The following COQ10A variants were observed in gnomAD, a reference collection of about 807,000 sequenced individuals.
COQ10A encodes the protein coenzyme Q10A, also known as coenzyme Q-binding protein COQ10 homolog A, mitochondrial.
Under a neutral mutation model 26.1 loss-of-function variants are expected in COQ10A, and 25 were observed. The observed-to-expected ratio is 0.96, with a 90% CI of 0.70 to 1.34. The LOEUF (loss-of-function observed/expected upper bound fraction) is 1.34, where lower values mean the gene tolerates loss of function less well. COQ10A is among the 40% of genes most tolerant of loss of function. COQ10A has a pLI of 0.00. For missense variants in COQ10A, 312 were observed against 335.4 expected, an observed-to-expected ratio of 0.93 and a Z score of 0.54; for synonymous variants, 132 against 124.0, an observed-to-expected ratio of 1.06 and a Z score of -0.43.
chr12:56,267,689 G>C, intron 1 of COQ10A, 105 bp from the exon 2 acceptor site: 1 of 1,513,470 alleles, frequency 6.6e-7, no homozygotes, highest in Non-Finnish European at 9.2e-7. Flanking sequence ...GGGAAAGCTT[G>C]TTTGGACGAC....
intron 4 of COQ10A, chr12:56,269,838 G>T (rs931276561): frequency 9.7e-6 from 5 of 516,798 alleles, no homozygotes; most frequent in Admixed American, 3.3e-5. Flanking sequence ...TTTTGGCTAG[G>T]CTGCTCTCAA....
intron 2 of COQ10A, chr12:56,268,180 A>G (rs1200174378): frequency 1.8e-6 from 1 of 547,636 alleles, no homozygotes; most frequent in Non-Finnish European, 3.2e-6. Flanking sequence ...CTTTAAGACA[A>G]CAGGGCGTAG....
chr12:56,269,109 G>GT lies in COQ10A; in HGVS notation c.333dup (p.Glu112Ter), dbSNP rs760865552. On this transcript the variant is annotated frameshift_variant, in exon 3 of 5. Coordinates refer to ENST00000308197, the MANE Select transcript of COQ10A (RefSeq NM_144576.4). LOFTEE classifies it high-confidence loss of function. ...GTGGTGTCCAACGTCCAGGAGTATC[G>GT]TGAGTTTGTGCCCTGGTGTAAGAAG... 1.2e-5 allele frequency: 20 copies of GT among 1,613,958 alleles called. No individual in the cohort carries two copies. The highest frequency in any genetic ancestry group is 2.7e-5 in the African/African-American group (2 of 74,886).
chr12:56,268,006 G>C (rs2135904217), intron 2 of COQ10A, 66 bp downstream of exon 2: 2 of 1,582,838 alleles, frequency 1.3e-6, no homozygotes, highest in East Asian at 2.2e-5. Context: ...GTCCAGGCAA[G>C]AATGTCAGGG....
At chr12:56,267,593 C>G in intron 1 of COQ10A, 1 of 1,147,352 alleles carries the variant, frequency 8.7e-7, no homozygotes, top group South Asian at 1.3e-5. Context: ...CACCCCGCCC[C>G]CAGCCCTGTC....
chr12:56,267,129 C>T lies in COQ10A; in HGVS notation c.11C>T (p.Ala4Val). The T allele has an allele frequency of 7.7e-7, 1 of 1,299,156 alleles. No homozygotes were observed. Among genetic ancestry groups the T allele is most frequent in the Non-Finnish European group, 9.7e-7 (1 of 1,029,090 alleles). 80.5% of individuals were successfully genotyped at this position (1,299,156 alleles called of 1,614,324 possible). A position where few individuals can be genotyped will look rare whatever the true frequency, so the allele number is the denominator to read the frequency against. MAW[A>V]GSRRVPAGTR... Reference sequence around the variant, plus strand: ...GGCAGGGTCGCGCGCATGGCCTGGGCGGGCTCGCGGCGGGTCCCAGCTGGG... The same window carrying T: ...GGCAGGGTCGCGCGCATGGCCTGGGTGGGCTCGCGGCGGGTCCCAGCTGGG... Residue 4 changes from alanine to valine, a missense_variant, in exon 1 of 5, where the codon GCG (alanine) becomes GTG (valine). Ala to Val is a moderately conservative substitution (Grantham distance 64). Transcript: ENST00000308197.
rs765836324 is a variant in COQ10A at position 56,267,676 on chromosome 12, G to A, written c.135-118G>A. 6 of 1,410,720 alleles carry A rather than the reference G, an allele frequency of 4.3e-6. No homozygotes were observed. The South Asian group carries it at 4.6e-5, about 11-fold the overall frequency. 87.4% of individuals were successfully genotyped at this position (1,410,720 alleles called of 1,614,324 possible). On this transcript the variant is annotated intron_variant, in intron 1 of 4. Coordinates refer to ENST00000308197, the MANE Select transcript of COQ10A (RefSeq NM_144576.4). ...AGCCTAGCGGGCTGCAGCAGGTGCT[G>A]GGGGGAAAGCTTGTTTGGACGACCT...
At chr12:56,267,373 G>C in intron 1 of COQ10A, 121 bp downstream of exon 1, 2 of 1,613,950 alleles carry the variant, frequency 1.2e-6, no homozygotes, top group Non-Finnish European at 1.7e-6. Flanking sequence ...CATGCCCTGG[G>C]AGCTAACGTA....
chr12:56,269,345 T>A (rs1592402685), intron 3 of COQ10A, 94 bp downstream of exon 3: 2 of 1,468,814 alleles, frequency 1.4e-6, no homozygotes, highest in African/African-American at 1.4e-5. Flanking sequence ...GTACTTTATG[T>A]CCATGTGTCA....
chr12:56,269,788 C>T (rs1182083992), intron 4 of COQ10A: 18 of 532,440 alleles, frequency 3.4e-5, no homozygotes, highest in Non-Finnish European at 4.4e-5. Context: ...CTACCAAGCC[C>T]GACTGATTTT....
Position 56,267,952 on chromosome 12 carries a change from CTGCCT to C in COQ10A, c.281+16_281+20del. The C allele has an allele frequency of 6.2e-7, 1 of 1,613,908 alleles. No individual in the cohort carries two copies. Among genetic ancestry groups the C allele is most frequent in the Non-Finnish European group, 8.5e-7 (1 of 1,179,902 alleles). On this transcript the variant is annotated intron_variant, in intron 2 of 4. Coordinates refer to ENST00000308197, the MANE Select transcript of COQ10A (RefSeq NM_144576.4). ...CGTAGAATCATGGGGTAAGCATTCTCTGCCTTGCATCCTTGCACCTCCCTTTTCCC... is the reference window on the plus strand; with the variant it reads ...CGTAGAATCATGGGGTAAGCATTCTCTGCATCCTTGCACCTCCCTTTTCCC...
At chr12:56,269,379 G>T (rs930147249) in intron 3 of COQ10A, 81 bp from the exon 4 acceptor site, 1 of 1,473,736 alleles carries the variant, frequency 6.8e-7, no homozygotes, top group Non-Finnish European at 9.5e-7. Flanking sequence ...TATCAGAAAA[G>T]AAGGAAAATG....
In COQ10A at chr12:56,267,465, G is replaced by A. The variant is rs771142224; in HGVS notation, c.134+213G>A. The A allele has an allele frequency of 1.2e-5, 20 of 1,613,598 alleles. No homozygotes were observed. In the South Asian group the frequency reaches 2.0e-4, roughly 16 times the overall value. ...GTCCAACCTCTTCTTGGCCCTCGCGGGCGCCCTGGGGTCCCCGGGGACAGT... is the reference window on the plus strand; with the variant it reads ...GTCCAACCTCTTCTTGGCCCTCGCGAGCGCCCTGGGGTCCCCGGGGACAGT... On this transcript the variant is annotated intron_variant, in intron 1 of 4. Coordinates refer to ENST00000308197, the MANE Select transcript of COQ10A (RefSeq NM_144576.4).
rs760619432 is a variant in COQ10A, at chr12:56,270,186, C to T, written c.613C>T (p.Leu205=). ...ATTTCGTTCTCTGCTGCACTCCCAG[C>T]TGGCCACCATGTTTTTTGATGAGGT... ...FEFRSLLHSQ[L]ATMFFDEVVK... is the part of the protein sequence containing the mutation. Residue 205 remains leucine (L), a synonymous_variant, in exon 5 of 5, where the codon CTG becomes TTG. Transcript: ENST00000308197. 1.2e-6 allele frequency: 2 copies of T among 1,614,168 alleles called. No homozygotes were observed. Among genetic ancestry groups the T allele is most frequent in the South Asian group, 1.1e-5 (1 of 91,080 alleles).
In COQ10A at chr12:56,270,354, C is replaced by G. The variant is rs1872481468; in HGVS notation, c.*37C>G. The G allele has an allele frequency of 6.3e-7, 1 of 1,581,136 alleles. No homozygotes were observed. Among genetic ancestry groups the G allele is most frequent in the Non-Finnish European group, 8.6e-7 (1 of 1,156,870 alleles). ...GCTCCCTGACCTCCCTTCTACCCCA[C>G]TTCCCTACACAATTCTCTTATTTAT... On this transcript the variant is annotated 3_prime_UTR_variant, in exon 5 of 5. Coordinates refer to ENST00000308197, the MANE Select transcript of COQ10A (RefSeq NM_144576.4).
Position 56,267,179 on chromosome 12 carries a change from T to G in COQ10A, c.61T>G (p.Cys21Gly), listed in dbSNP as rs1872371529. ...AGTRAAAERC[C>G]RLSLSPGAQP... ...GACGCGCGCGGCAGCCGAGCGCTGC[T>G]GCCGGCTCTCGCTCAGCCCGGGCGC... The change falls in exon 1 of 5, where the codon TGC (cysteine) becomes GGC (glycine). Residue 21 changes from cysteine (C) to glycine (G), a missense_variant. Transcript: ENST00000308197. The G allele has an allele frequency of 7.3e-6, 10 of 1,367,862 alleles. No homozygotes were observed. The highest frequency in any genetic ancestry group is 9.4e-6 in the Non-Finnish European group (10 of 1,066,346). 84.7% of individuals were successfully genotyped at this position (1,367,862 alleles called of 1,614,324 possible).
intron 2 of COQ10A, chr12:56,268,236 T>C: frequency 2.8e-6 from 1 of 361,206 alleles, no homozygotes; most frequent in Non-Finnish European, 5.1e-6. Flanking sequence ...TTTGGGAGGC[T>C]GAGGCGGGCC....
At position 56,269,188 on chromosome 12, in the gene COQ10A, C is replaced by A; in HGVS notation, c.411C>A (p.Gly137=). The A allele has an allele frequency of 1.2e-6, 2 of 1,614,138 alleles. No individual in the cohort carries two copies. Among genetic ancestry groups the A allele is most frequent in the Non-Finnish European group, 1.7e-6 (2 of 1,180,020 alleles). Reference sequence around the variant, plus strand: ...ATTTGAAAGCCCAGCTGGAGGTTGGCTTTCCACCTGTCATGGAACGTTACA... The same window carrying A: ...ATTTGAAAGCCCAGCTGGAGGTTGGATTTCCACCTGTCATGGAACGTTACA... ...KGHLKAQLEV[G]FPPVMERYTS... Residue 137 remains glycine (G), a synonymous_variant, in exon 3 of 5, where the codon GGC becomes GGA. Transcript: ENST00000308197.
chr12:56,267,703 C>A, intron 1 of COQ10A, 91 bp from the exon 2 acceptor site: 1 of 1,554,152 alleles, frequency 6.4e-7, no homozygotes, highest in Non-Finnish European at 8.9e-7. Context: ...GGACGACCTT[C>A]GTCTGGGATG....
Sources: gnomAD v4.1 joint callset for allele counts on GRCh38, gnomAD v4.1.1 for gene constraint, MANE v1.5 for transcripts, NCBI Gene and HGNC (gene_info 2026-07-23, HGNC 2026-07-21) for gene names.